The following SRRM1 variants were observed in gnomAD, a reference collection of about 807,000 sequenced individuals.
The protein encoded by SRRM1 is serine/arginine repetitive matrix protein 1.
SRRM1 carries 19 observed loss-of-function variants against 110.2 expected under a neutral mutation model. That is an observed-to-expected ratio of 0.17 (90% CI 0.12 to 0.25). The LOEUF (loss-of-function observed/expected upper bound fraction) is 0.25. Among genes scored for constraint, SRRM1 ranks in the 10% least tolerant of loss-of-function variants. The pLI is 1.00. For missense variants in SRRM1, 918 were observed against 1,145.8 expected (o/e 0.80, Z 2.87); for synonymous variants, 443 against 414.9 (o/e 1.07, Z -0.82).
intron 1 of SRRM1, among the ~76,000 whole-genome samples, chr1:24,644,109 C>G (rs1308260389): frequency 1.3e-5 from 2 of 152,172 alleles, no homozygotes; most frequent in African/African-American, 4.8e-5. Flanking sequence ...GTGTTTTACT[C>G]TTGGAGTCCG....
At chr1:24,670,618 A>G (rs1487541792) in intron 15 of SRRM1, among the ~76,000 whole-genome samples, 3 of 151,766 alleles carry the variant, frequency 2.0e-5, no homozygotes, top group Non-Finnish European at 2.9e-5. Flanking sequence ...CAGCCTCCCA[A>G]GTAGCTGGGA....
Position 24,649,037 on chromosome 1 carries a change from C to T in SRRM1, c.405+8C>T. The T allele has an allele frequency of 6.2e-7, 1 of 1,609,890 alleles. No homozygotes were observed. Among genetic ancestry groups the T allele is most frequent in the Non-Finnish European group, 8.5e-7 (1 of 1,178,872 alleles). On this transcript the variant is annotated splice_region_variant and intron_variant, in intron 4 of 16. Coordinates refer to ENST00000323848, the MANE Select transcript of SRRM1 (RefSeq NM_005839.4). ...GAAATAAAACAAAGACAGGTAATAA[C>T]CTTTTCTTTTCTGTAATGTCGATTT...
At chr1:24,669,946 C>A (rs943784032) in intron 14 of SRRM1, 174 bp from the exon 15 acceptor site, 4 of 642,180 alleles carry the variant, frequency 6.2e-6, no homozygotes, top group Non-Finnish European at 1.1e-5. Flanking sequence ...GGGGCTTTAG[C>A]CACCCTCTGG....
chr1:24,652,639 G>A lies in SRRM1; in HGVS notation c.920+11G>A. 37 of 1,584,968 alleles carry A rather than the reference G, an allele frequency of 2.3e-5. No homozygotes were observed. Among genetic ancestry groups the A allele is most frequent in the Non-Finnish European group, 3.2e-5 (37 of 1,169,434 alleles). ...TAGATCCCGATCAAGGTGAGTTGTG[G>A]CTTTAAGATCAACAAAGATCTTAGG... On this transcript the variant is annotated intron_variant, in intron 7 of 16. Coordinates refer to ENST00000323848, the MANE Select transcript of SRRM1 (RefSeq NM_005839.4).
chr1:24,660,123 A>G (rs955858649), intron 9 of SRRM1, among the ~76,000 whole-genome samples: 4 of 152,138 alleles, frequency 2.6e-5, no homozygotes, highest in African/African-American at 9.7e-5. Context: ...ACTTTTCTGA[A>G]CCCACCTATT....
At chr1:24,662,615 C>G (rs1354703852) in intron 11 of SRRM1, 45 bp from the exon 12 acceptor site, 3 of 1,595,740 alleles carry the variant, frequency 1.9e-6, no homozygotes, top group Admixed American at 1.7e-5. Context: ...TGGACAGATT[C>G]AAGCACAAAC....
chr1:24,671,228 G>A (rs1276984811), intron 15 of SRRM1, among the ~76,000 whole-genome samples, 158 bp from the exon 16 acceptor site: 1 of 152,216 alleles, frequency 6.6e-6, no homozygotes, highest in African/African-American at 2.4e-5. Flanking sequence ...TTTTCTTGGT[G>A]ATAATTGGCC....
chr1:24,663,296 T>G (rs1415008483), intron 12 of SRRM1: 4 of 1,180,802 alleles, frequency 3.4e-6, no homozygotes, highest in Non-Finnish European at 4.8e-6. Flanking sequence ...CCTATTTAGG[T>G]GACCTCATCT....
intron 14 of SRRM1, 77 bp downstream of exon 14, chr1:24,669,664 A>G: frequency 2.8e-6 from 3 of 1,075,484 alleles, no homozygotes; most frequent in South Asian, 1.7e-5. Flanking sequence ...CCACCCCCAT[A>G]TAAAAGGAAT....
intron 9 of SRRM1, among the ~76,000 whole-genome samples, chr1:24,658,879 A>C (rs1389813183): frequency 6.6e-6 from 1 of 152,196 alleles, no homozygotes; most frequent in East Asian, 1.9e-4. Context: ...GATTTGTCCA[A>C]ATGGCTTATT....
Position 24,669,243 on chromosome 1 carries a change from T to G in SRRM1, c.1860T>G (p.Pro620=), listed in dbSNP as rs776930653. The G allele has an allele frequency of 2.5e-6, 4 of 1,613,700 alleles. No homozygotes were observed. The highest frequency in any genetic ancestry group is 3.4e-6 in the Non-Finnish European group (4 of 1,179,942). Reference sequence around the variant, plus strand: ...GAAGAACGGCTTCACCTCCTCCCCCTCCTAAACGAAGAGCATCACCATCTC... The same window carrying G: ...GAAGAACGGCTTCACCTCCTCCCCCGCCTAAACGAAGAGCATCACCATCTC... ...PKRRTASPPP[P]PKRRASPSPP... Residue 620 remains proline, a synonymous_variant, in exon 14 of 17, where the codon CCT becomes CCG. Coordinates refer to ENST00000323848, the MANE Select transcript of SRRM1 (RefSeq NM_005839.4).
intron 12 of SRRM1, chr1:24,663,056 A>G (rs1668073223): frequency 6.0e-6 from 6 of 997,274 alleles, no homozygotes; most frequent in African/African-American, 1.6e-5. Flanking sequence ...AAACCAAACT[A>G]TTATAGCAGT....
At chr1:24,659,585 A>C (rs1666085050) in intron 9 of SRRM1, among the ~76,000 whole-genome samples, 1 of 152,218 alleles carries the variant, frequency 6.6e-6, no homozygotes, top group Non-Finnish European at 1.5e-5. Context: ...TACTATAAGC[A>C]GAGTTAGTTG....
In SRRM1 at chr1:24,650,048, C is replaced by T; in HGVS notation, c.483C>T (p.Ser161=). ...KDKRDKEEKE[S]SREKRERSRS... The stretch of plus-strand genomic sequence containing the variant: ...AAAGAGATAAGGAAGAAAAAGAAAG[C>T]AGCAGAGAAAAAAGGGAGCGGTCTC... Residue 161 remains serine (S), a synonymous_variant, in exon 5 of 17, where the codon AGC becomes AGT. Coordinates refer to ENST00000323848, the MANE Select transcript of SRRM1 (RefSeq NM_005839.4). 1 of 1,592,818 alleles carries T rather than the reference C, an allele frequency of 6.3e-7. No homozygotes were observed. The highest frequency in any genetic ancestry group is 8.6e-7 in the Non-Finnish European group (1 of 1,169,292).
At chr1:24,651,048 A>C (rs758920873) in intron 5 of SRRM1, among the ~76,000 whole-genome samples, 2 of 152,182 alleles carry the variant, frequency 1.3e-5, no homozygotes, top group African/African-American at 4.8e-5. Context: ...GTCCGCATCT[A>C]AATGTTTTAT....
In SRRM1 at chr1:24,661,402, G is replaced by C; in HGVS notation, c.1483+6G>C. 3.1e-6 allele frequency: 5 copies of C among 1,606,912 alleles called. No individual in the cohort carries two copies. Among genetic ancestry groups the C allele is most frequent in the Non-Finnish European group, 4.3e-6 (5 of 1,175,900 alleles). On this transcript the variant is annotated splice_donor_region_variant and intron_variant, in intron 11 of 16. Transcript: ENST00000323848. ...AAACCAGCAGTCTTCATCTGGTATGGATGGTGATGAAAGTTTTTTTTCTAC... is the reference window on the plus strand; with the variant it reads ...AAACCAGCAGTCTTCATCTGGTATGCATGGTGATGAAAGTTTTTTTTCTAC...
chr1:24,662,889 T>C, intron 12 of SRRM1, 85 bp downstream of exon 12: 1 of 1,547,366 alleles, frequency 6.5e-7, no homozygotes, highest in Non-Finnish European at 8.8e-7. Flanking sequence ...AGAATTTGGT[T>C]AACTCCTTCA....
chr1:24,667,072 T>G (rs972083527), intron 13 of SRRM1, 147 bp downstream of exon 13: 1 of 594,554 alleles, frequency 1.7e-6, no homozygotes, highest in Non-Finnish European at 3.0e-6. Context: ...ATCATGCTTA[T>G]GAACTACAAA....
chr1:24,669,647 C>G (rs1420669282), intron 14 of SRRM1, 60 bp downstream of exon 14: 1 of 1,260,184 alleles, frequency 7.9e-7, no homozygotes, highest in African/African-American at 1.5e-5. Flanking sequence ...TATTTGGAAG[C>G]TTCCCCCCAC....
Sources: gnomAD v4.1 joint callset for allele counts (sites outside exome capture counted in the v4.1 genomes callset) on GRCh38, gnomAD v4.1.1 for gene constraint, MANE v1.5 for transcripts, NCBI Gene and HGNC (gene_info 2026-07-23, HGNC 2026-07-21) for gene names.